The following FAM228B variants were observed in gnomAD, a reference collection of about 807,000 sequenced individuals.
FAM228B encodes family with sequence similarity 228 member B, also known as protein FAM228B.
FAM228B carries 38 observed loss-of-function variants against 42.6 expected under a neutral mutation model. That is an observed-to-expected ratio of 0.89 (90% CI 0.69 to 1.17). The LOEUF (loss-of-function observed/expected upper bound fraction) is 1.17. Ranked by LOEUF, FAM228B falls within the 50% of genes most tolerant of loss-of-function variation. The probability of loss-of-function intolerance (pLI) is 0.00; values close to 1 mark genes in which losing one functional copy is unlikely to be tolerated. For missense variants in FAM228B, 344 were observed against 367.3 expected, an observed-to-expected ratio of 0.94 and a Z score of 0.52; for synonymous variants, 109 against 122.3, an observed-to-expected ratio of 0.89 and a Z score of 0.72.
chr2:24,149,117 T>G (rs1666962781), intron 7 of FAM228B, among the ~76,000 whole-genome samples: 1 of 152,264 alleles, frequency 6.6e-6, no homozygotes, highest in South Asian at 2.1e-4. Flanking sequence ...TCTTTATCCA[T>G]TCATCTGTTG....
intron 7 of FAM228B, among the ~76,000 whole-genome samples, chr2:24,161,025 A>G (rs1243690560): frequency 6.6e-6 from 1 of 152,140 alleles, no homozygotes; most frequent in Non-Finnish European, 1.5e-5. Context: ...GGTTTCAGAA[A>G]CTCTAAAACA....
At chr2:24,114,402 A>C (rs1485902401) in intron 3 of FAM228B, among the ~76,000 whole-genome samples, 1 of 151,996 alleles carries the variant, frequency 6.6e-6, no homozygotes, top group Admixed American at 6.6e-5. Context: ...ATCGTGCCCT[A>C]CTTGCTTCCA....
At chr2:24,128,700 C>CTTT (rs71397406) in intron 2 of FAM228B, among the ~76,000 whole-genome samples, 15 of 148,730 alleles carry the variant, frequency 1.0e-4, no homozygotes, top group South Asian at 2.1e-4. Flanking sequence ...TATAAATACT[C>CTTT]TTTTTTTTTT....
In FAM228B at chr2:24,138,098, A is replaced by G; in HGVS notation, c.358A>G (p.Lys120Glu). The G allele has an allele frequency of 6.6e-7, 1 of 1,522,760 alleles. No homozygotes were observed. Among genetic ancestry groups the G allele is most frequent in the African/African-American group, 1.4e-5 (1 of 71,152 alleles). The allele number at this position is 1,522,760 out of a possible 1,614,324, so 94.3% of individuals were successfully genotyped here. The change falls in exon 4 of 11, where the codon AAG becomes GAG. Residue 120 changes from lysine (K) to glutamate (E), a missense_variant and splice_region_variant. Transcript: ENST00000615575. The stretch of plus-strand genomic sequence containing the variant: ...TGGCTTTTTAAAACATGTAAATAAA[A>G]AGGTACTAAGAGATCATTTGATGCT... Reference protein sequence around the residue: ...LDGFLKHVNKKGNAFIEHYDP... With the variant: ...LDGFLKHVNKEGNAFIEHYDP...
intron 1 of FAM228B, 81 bp from the exon 2 acceptor site, chr2:24,124,249 T>C (rs1026305967): frequency 5.7e-6 from 4 of 698,958 alleles, no homozygotes; most frequent in Admixed American, 3.1e-5. Context: ...TTTGCGTGTG[T>C]GCAAGGACAC....
chr2:24,134,144 C>A (rs1169977983), intron 2 of FAM228B, among the ~76,000 whole-genome samples: 2 of 152,084 alleles, frequency 1.3e-5, no homozygotes, highest in African/African-American at 2.4e-5. Flanking sequence ...TATAATTTTA[C>A]ATTTTATAGA....
rs563278020 is a variant in FAM228B, at chr2:24,095,445, A to C, written c.-121+216A>C. 1.3e-5 allele frequency: 2 copies of C among 152,268 alleles called. No individual in the cohort carries two copies. Among genetic ancestry groups the C allele is most frequent in the Non-Finnish European group, 2.9e-5 (2 of 68,070 alleles). 9.4% of individuals were successfully genotyped at this position (152,268 alleles called of 1,614,324 possible). A position where few individuals can be genotyped will look rare whatever the true frequency, so the allele number is the denominator to read the frequency against. ...CCAAGATCTTAGCCACCGGCAGACA[A>C]GGAGATTCTCTCCCATGCCTGGCTC... On this transcript the variant is annotated intron_variant, in intron 3 of 10. Coordinates refer to the FAM228B transcript ENST00000613899. The surrounding 1 kb of genome is among the most constrained non-coding windows in gnomAD (Gnocchi z 4.8).
At chr2:24,105,030 C>T (rs1194029333) in intron 3 of FAM228B, among the ~76,000 whole-genome samples, 1 of 152,204 alleles carries the variant, frequency 6.6e-6, no homozygotes, top group Admixed American at 6.5e-5. Context: ...TGTCAAGGGA[C>T]GCAGCCTCCT....
chr2:24,161,716 C>T, intron 8 of FAM228B, 103 bp downstream of exon 8: 1 of 734,772 alleles, frequency 1.4e-6, no homozygotes, highest in Non-Finnish European at 2.3e-6. Context: ...TGCTGAGGCA[C>T]ACACAAAGCT....
intron 3 of FAM228B, among the ~76,000 whole-genome samples, chr2:24,105,031 G>A (rs1315211226): frequency 1.3e-5 from 2 of 152,246 alleles, no homozygotes; most frequent in East Asian, 3.8e-4. Context: ...GTCAAGGGAC[G>A]CAGCCTCCTG....
In FAM228B at chr2:24,077,477, TGGA is replaced by T. The variant is rs1490533404; in HGVS notation, c.-290+512_-290+514del. 17 of 1,365,170 alleles carry T rather than the reference TGGA, an allele frequency of 1.2e-5. No individual in the cohort carries two copies. In the African/African-American group the frequency reaches 2.1e-4, roughly 16 times the overall value. 84.6% of individuals were successfully genotyped at this position (1,365,170 alleles called of 1,614,324 possible). A position where few individuals can be genotyped will look rare whatever the true frequency, so the allele number is the denominator to read the frequency against. On this transcript the variant is annotated intron_variant, in intron 1 of 10. Transcript: ENST00000613899. The surrounding 1 kb of genome is among the most constrained non-coding windows in gnomAD (Gnocchi z 5.5). The stretch of plus-strand genomic sequence containing the variant: ...TCCTCATATCAGCTTTAAACGGCTC[TGGA>T]GGAAGCACCGGGTTTCTTGGCCTGT...
At chr2:24,118,490 G>A (rs1309017871), upstream of FAM228B, among the ~76,000 whole-genome samples, 2 of 152,314 alleles carry the variant, frequency 1.3e-5, no homozygotes, top group Admixed American at 1.3e-4. Flanking sequence ...CAGACACTGT[G>A]TTAGGTAATG....
upstream of FAM228B, among the ~76,000 whole-genome samples, chr2:24,119,175 C>T (rs1395140320): frequency 6.6e-6 from 1 of 151,920 alleles, no homozygotes; most frequent in Admixed American, 6.6e-5. Flanking sequence ...CCTGCTGTCT[C>T]CCCCCTCCCC....
chr2:24,098,790 A>G (rs1665551541), intron 3 of FAM228B, among the ~76,000 whole-genome samples: 1 of 152,188 alleles, frequency 6.6e-6, no homozygotes, highest in Non-Finnish European at 1.5e-5. Context: ...CATGAGGCCA[A>G]CATCATCCTT....
intron 2 of FAM228B, chr2:24,087,376 G>C (rs933654223): frequency 6.6e-6 from 1 of 152,070 alleles, no homozygotes; most frequent in Non-Finnish European, 1.5e-5. Context: ...CACTCTGCCT[G>C]GCCAATAAGT....
chr2:24,097,149 TG>T (rs1558369318), intron 3 of FAM228B: 1 of 152,098 alleles, frequency 6.6e-6, no homozygotes, highest in African/African-American at 2.4e-5. Flanking sequence ...AAGGAACAAC[TG>T]GTACCAGCCA....
upstream of FAM228B, chr2:24,121,265 T>C (rs745993258): frequency 3.1e-6 from 5 of 1,614,034 alleles, no homozygotes; most frequent in Non-Finnish European, 4.2e-6. Flanking sequence ...TCTTGGCAAA[T>C]CCATTCACCA....
intron 2 of FAM228B, among the ~76,000 whole-genome samples, chr2:24,092,699 T>C (rs1463923296): frequency 6.6e-6 from 1 of 152,182 alleles, no homozygotes; most frequent in East Asian, 1.9e-4. Context: ...TGTACAGAGA[T>C]GTTTATTTCA....
At position 24,169,455 on chromosome 2, in the gene FAM228B, G is replaced by T. The variant is rs1667517583; in HGVS notation, c.*114G>T. On this transcript the variant is annotated 3_prime_UTR_variant, in exon 11 of 11. Coordinates refer to ENST00000615575, the MANE Select transcript of FAM228B (RefSeq NM_001145710.2). This position sits in a 1 kb window ranked among gnomAD's most constrained non-coding sequence, Gnocchi z 4.2. ...GAAGTCATCTGCTCACAGGAATCAG[G>T]GTGAAGGCCAAGGACGGCACTCAAG... 1 of 414,708 alleles carries T rather than the reference G, an allele frequency of 2.4e-6. No individual in the cohort carries two copies. The highest frequency in any genetic ancestry group is 2.4e-5 in the Admixed American group (1 of 41,960). 25.7% of individuals were successfully genotyped at this position (414,708 alleles called of 1,614,324 possible).
Sources: allele counts gnomAD v4.1 joint callset (sites outside exome capture counted in the v4.1 genomes callset), GRCh38; gene constraint gnomAD v4.1.1; non-coding constraint Gnocchi (gnomAD v3.1); transcripts MANE v1.5; gene names NCBI Gene and HGNC (gene_info 2026-07-23, HGNC 2026-07-21).